The following DDO variants were observed in gnomAD, a reference collection of about 807,000 sequenced individuals.
The protein encoded by DDO is D-aspartate oxidase, also known as D-aspartate oxidase, DDO.
A neutral mutation model predicts 16.8 loss-of-function variants in DDO; 16 were observed. That is an observed-to-expected ratio of 0.95 (90% CI 0.65 to 1.45). The LOEUF (loss-of-function observed/expected upper bound fraction) is 1.45, where lower values mean the gene tolerates loss of function less well. DDO is among the 40% of genes most tolerant of loss of function. The pLI, the probability that DDO is intolerant of heterozygous loss-of-function variation, is 0.00. For missense variants in DDO, 429 were observed against 420.3 expected, an observed-to-expected ratio of 1.02 and a Z score of -0.18; for synonymous variants, 180 against 167.2, an observed-to-expected ratio of 1.08 and a Z score of -0.59.
Position 110,408,791 on chromosome 6 carries a change from A to T in DDO, c.173-349T>A, listed in dbSNP as rs374759944. On this transcript the variant is annotated intron_variant, in intron 2 of 4. Transcript: ENST00000368924. ...GCAGGTCTATAACCAACCTGAGCAGAGCTTAGTTCATGGCTGTGGGATCCA... is the reference window on the plus strand; with the variant it reads ...GCAGGTCTATAACCAACCTGAGCAGTGCTTAGTTCATGGCTGTGGGATCCA... Among the ~76,000 whole-genome samples the T allele has an allele frequency of 8.9e-4, 136 of 152,308 alleles. 1 individual carries two copies. The South Asian group carries it at 0.027, about 30-fold the overall frequency.
rs758675079 is a variant in DDO, at chr6:110,404,789, G to T, written c.443C>A (p.Pro148Gln). 6.2e-7 allele frequency: 1 copy of T among 1,614,018 alleles called. No individual in the cohort carries two copies. Among genetic ancestry groups the T allele is most frequent in the Admixed American group, 1.7e-5 (1 of 59,992 alleles). ...TTCAACTGACCTTTTCTCCAACCAC[G>T]GGAGGTAGGCAGGGCATTCACATTT... ...TLKCECPAYL[P>Q]WLEKRIKGSG... The change falls in exon 4 of 5, where the codon CCG (proline) becomes CAG (glutamine). Residue 148 changes from proline to glutamine, a missense_variant. Coordinates refer to ENST00000368924, the MANE Select transcript of DDO (RefSeq NM_001372108.2).
intron 4 of DDO, among the ~76,000 whole-genome samples, chr6:110,402,026 G>C (rs7771776): frequency 0.018 from 2,786 of 152,186 alleles, 42 homozygotes; most frequent in Non-Finnish European, 0.03. Flanking sequence ...ACCTCAATCC[G>C]ATCCCGAGGA....
chr6:110,393,393 A>C, intron 4 of DDO, 51 bp from the exon 5 acceptor site: 27 of 1,501,688 alleles, frequency 1.8e-5, no homozygotes, highest in Non-Finnish European at 2.4e-5. Flanking sequence ...CTGATCAACT[A>C]CTTCCAGGAA....
Position 110,415,482 on chromosome 6 carries a change from C to G in DDO, c.-20G>C, listed in dbSNP as rs1774018210. On this transcript the variant is annotated 5_prime_UTR_variant, in exon 1 of 5. Transcript: ENST00000368924. ...ATTCAAGTACCTGTCTCTGAAAAAG[C>G]AGTCTTGGAAGCCACCAAAATCTCT... 1 of 1,614,204 alleles carries G rather than the reference C, an allele frequency of 6.2e-7. No homozygotes were observed. The highest frequency in any genetic ancestry group is 1.7e-5 in the Admixed American group (1 of 60,032).
In DDO at chr6:110,408,240, T is replaced by A. The variant is rs1773723192; in HGVS notation, c.281+94A>T. 3.3e-6 allele frequency: 4 copies of A among 1,198,878 alleles called. No individual in the cohort carries two copies. The Admixed American group carries it at 7.6e-5, about 23-fold the overall frequency. The allele number at this position is 1,198,878 out of a possible 1,614,324, so 74.3% of individuals were successfully genotyped here. A position where few individuals can be genotyped will look rare whatever the true frequency, so the allele number is the denominator to read the frequency against. ...TCCTGCATCTAAGTCAGCACTCTGCTCACAACAGCTACTCAGTAAATATTT... is the reference window on the plus strand; with the variant it reads ...TCCTGCATCTAAGTCAGCACTCTGCACACAACAGCTACTCAGTAAATATTT... On this transcript the variant is annotated intron_variant, in intron 3 of 4. Coordinates refer to ENST00000368924, the MANE Select transcript of DDO (RefSeq NM_001372108.2).
At chr6:110,409,007 C>T (rs1359107797) in intron 2 of DDO, among the ~76,000 whole-genome samples, 1 of 152,172 alleles carries the variant, frequency 6.6e-6, no homozygotes, top group Admixed American at 6.5e-5. Flanking sequence ...ATGCTGGAGG[C>T]GAGCCCCCTG....
At position 110,409,313 on chromosome 6, in the gene DDO, G is replaced by T. The variant is rs576981625; in HGVS notation, c.173-871C>A. Reference sequence around the variant, plus strand: ...AATCCAGCTGTGGTTGAAGTATGTGGCCGTCTGATTCCTGTAGAAGGATCA... The same window carrying T: ...AATCCAGCTGTGGTTGAAGTATGTGTCCGTCTGATTCCTGTAGAAGGATCA... On this transcript the variant is annotated intron_variant, in intron 2 of 4. Coordinates refer to ENST00000368924, the MANE Select transcript of DDO (RefSeq NM_001372108.2). Among the ~76,000 whole-genome samples the T allele has an allele frequency of 7.2e-5, 11 of 152,328 alleles. 1 individual carries two copies. In the South Asian group the frequency reaches 2.3e-3, roughly 32 times the overall value.
Position 110,392,887 on chromosome 6 carries a change from C to G in DDO, c.914G>C (p.Gly305Ala), listed in dbSNP as rs144506389. Residue 305 changes from glycine (G) to alanine (A), a missense_variant, in exon 5 of 5, where the codon GGC becomes GCC. Transcript: ENST00000368924. ...GQRLPVVHHY[G>A]HGSGGISVHW... is the part of the protein sequence containing the mutation. ...CACTGAGATGCCCCCACTCCCATGG[C>G]CATAGTGGTGGACTACAGGCAGCCT... The G allele has an allele frequency of 2.2e-4, 363 of 1,614,168 alleles. No individual in the cohort carries two copies. In the Middle Eastern group the frequency reaches 3.1e-3, roughly 14 times the overall value.
rs574144168 is a variant in DDO, at chr6:110,414,495, C to T, written c.-5+972G>A. On this transcript the variant is annotated intron_variant, in intron 1 of 4. Coordinates refer to ENST00000368924, the MANE Select transcript of DDO (RefSeq NM_001372108.2). ...AGAGTCTGAATGGAAATGCAGGGGA[C>T]AGACATCCCGGAGCCCGGGCCAGGT... 1.3e-3 allele frequency among the ~76,000 whole-genome samples: 195 copies of T among 152,350 alleles called. 1 individual carries two copies. Among genetic ancestry groups the T allele is most frequent in the Non-Finnish European group, 1.9e-3 (130 of 68,040 alleles).
At chr6:110,401,850 T>A (rs1265290232) in intron 4 of DDO, among the ~76,000 whole-genome samples, 3 of 152,204 alleles carry the variant, frequency 2.0e-5, no homozygotes, top group African/African-American at 4.8e-5. Context: ...AAATATTTAG[T>A]AATTACAAAG....
At chr6:110,398,334 G>C (rs1773351739) in intron 4 of DDO, among the ~76,000 whole-genome samples, 1 of 151,556 alleles carries the variant, frequency 6.6e-6, no homozygotes, top group African/African-American at 2.4e-5. Context: ...AATTGAGTTG[G>C]CTGTGCCCCT....
At chr6:110,401,047 C>T (rs139794087) in intron 4 of DDO, among the ~76,000 whole-genome samples, 1 of 152,292 alleles carries the variant, frequency 6.6e-6, no homozygotes, top group African/African-American at 2.4e-5. Flanking sequence ...ACTGTGTGCA[C>T]CCCGGAGCCC....
rs1388507250 is a variant in DDO, at chr6:110,404,257, G to A, written c.458+517C>T. ...ATCACGGGCTGAACTTAATGAGGAA[G>A]GAGTGACATAATTTGGATAGGTCCT... On this transcript the variant is annotated intron_variant, in intron 4 of 4. Transcript: ENST00000368924. Among the ~76,000 whole-genome samples, 8 of 152,168 alleles carry A rather than the reference G, an allele frequency of 5.3e-5. 1 individual carries two copies. The highest frequency in any genetic ancestry group is 1.9e-4 in the African/African-American group (8 of 41,428).
chr6:110,408,445 G>A lies in DDO; in HGVS notation c.173-3C>T. The A allele has an allele frequency of 6.2e-7, 1 of 1,613,204 alleles. No individual in the cohort carries two copies. Among genetic ancestry groups the A allele is most frequent in the Non-Finnish European group, 8.5e-7 (1 of 1,179,578 alleles). ...CTTCTGCGTGTGAATGGGTGTATCTGTAATCATGGAGAAAAGCAAAGTGGA... is the reference window on the plus strand; with the variant it reads ...CTTCTGCGTGTGAATGGGTGTATCTATAATCATGGAGAAAAGCAAAGTGGA... On this transcript the variant is annotated splice_region_variant and splice_polypyrimidine_tract_variant and intron_variant, in intron 2 of 4. Transcript: ENST00000368924.
intron 4 of DDO, among the ~76,000 whole-genome samples, chr6:110,399,929 A>G (rs939317848): frequency 2.6e-5 from 4 of 152,220 alleles, no homozygotes; most frequent in African/African-American, 9.6e-5. Flanking sequence ...GTAAAAGGGC[A>G]GCCCTCGGTC....
intron 2 of DDO, among the ~76,000 whole-genome samples, chr6:110,410,838 T>C (rs1179199731): frequency 6.6e-6 from 1 of 152,012 alleles, no homozygotes; most frequent in Non-Finnish European, 1.5e-5. Flanking sequence ...ATACACCAGG[T>C]GCCTGTGTTT....
At chr6:110,396,124 C>T (rs1211499811) in intron 4 of DDO, among the ~76,000 whole-genome samples, 1 of 152,158 alleles carries the variant, frequency 6.6e-6, no homozygotes, top group East Asian at 1.9e-4. Flanking sequence ...AGACCCTGAC[C>T]CCAATAGCTC....
In DDO at chr6:110,392,172, C is replaced by T. The variant is rs1030783021; in HGVS notation, c.*603G>A. The T allele has an allele frequency of 9.1e-6, 9 of 985,028 alleles. No individual in the cohort carries two copies. Among genetic ancestry groups the T allele is most frequent in the Non-Finnish European group, 9.6e-6 (8 of 829,698 alleles). 61.0% of individuals were successfully genotyped at this position (985,028 alleles called of 1,614,324 possible). ...TTGTCTTCAATTAAATGTAATAATC[C>T]AGCACTGTGTGAGCACAATGTAATT... is the stretch of plus-strand genomic sequence containing the variant. On this transcript the variant is annotated 3_prime_UTR_variant, in exon 5 of 5. Transcript: ENST00000368924.
chr6:110,409,615 G>A (rs754498748), intron 2 of DDO, among the ~76,000 whole-genome samples: 7 of 152,192 alleles, frequency 4.6e-5, no homozygotes, highest in Admixed American at 1.3e-4. Flanking sequence ...CTTTAGTAGC[G>A]AATCTGTACT....
Sources: allele counts gnomAD v4.1 joint callset (sites outside exome capture counted in the v4.1 genomes callset), GRCh38; gene constraint gnomAD v4.1.1; transcripts MANE v1.5; gene names NCBI Gene and HGNC (gene_info 2026-07-23, HGNC 2026-07-21).